Variants in AIDA observed in about 807,000 individuals in gnomAD.
AIDA encodes axin interactor, dorsalization-associated protein.
In AIDA, 18 loss-of-function variants were observed where a neutral mutation model predicts 42.7. That is an observed-to-expected ratio of 0.42 (90% CI 0.29 to 0.63). AIDA has a LOEUF of 0.63. AIDA is among the 20% of genes least tolerant of loss of function. AIDA has a pLI of 0.19. For synonymous variants in AIDA, 104 were observed against 122.9 expected, an observed-to-expected ratio of 0.85 and a Z score of 1.02; for missense variants, 250 against 354.1, an observed-to-expected ratio of 0.71 and a Z score of 2.36.
intron 1 of AIDA, among the ~76,000 whole-genome samples, chr1:222,706,011 T>A (rs1655829202): frequency 6.6e-6 from 1 of 152,068 alleles, no homozygotes. Context: ...AATTTTAAAA[T>A]GCGTAAAAGA....
rs1391308955 is a variant in AIDA at position 222,701,026 on chromosome 1, G to C, written c.180+2122C>G. Among the ~76,000 whole-genome samples, 6 of 146,410 alleles carry C rather than the reference G, an allele frequency of 4.1e-5. No individual in the cohort carries two copies. The South Asian group carries it at 1.1e-3, about 27-fold the overall frequency. ...CGCCCAGGCTGGAGTGCAGTGGCAT[G>C]ATCTCAGCTCACTGCAATCTCCGCC... On this transcript the variant is annotated intron_variant, in intron 2 of 9. Transcript: ENST00000340020.
chr1:222,699,668 C>T (rs1186372103), intron 2 of AIDA, among the ~76,000 whole-genome samples: 1 of 152,138 alleles, frequency 6.6e-6, no homozygotes, highest in Non-Finnish European at 1.5e-5. Flanking sequence ...AACTTAGAGC[C>T]TCTGATAACT....
intron 6 of AIDA, among the ~76,000 whole-genome samples, chr1:222,682,851 TAAC>T (rs886515253): frequency 1.3e-5 from 2 of 152,206 alleles, no homozygotes; most frequent in African/African-American, 4.8e-5. Context: ...AGATGGAAGA[TAAC>T]ACATGAAATG....
chr1:222,690,659 T>C (rs1655345222), intron 4 of AIDA, among the ~76,000 whole-genome samples: 1 of 145,944 alleles, frequency 6.9e-6, no homozygotes, highest in South Asian at 2.2e-4. Context: ...TATTCTTATA[T>C]TATAATCTAT....
chr1:222,685,660 A>C (rs896128521), intron 6 of AIDA, among the ~76,000 whole-genome samples: 4 of 152,202 alleles, frequency 2.6e-5, no homozygotes, highest in Non-Finnish European at 4.4e-5. Context: ...AACAGAGTAA[A>C]GCAGTAATTG....
At chr1:222,688,138 T>C (rs1329751470) in intron 4 of AIDA, among the ~76,000 whole-genome samples, 1 of 152,156 alleles carries the variant, frequency 6.6e-6, no homozygotes. Context: ...GAGAATCACC[T>C]GAGCCTGGGA....
intron 9 of AIDA, 21 bp from the exon 10 acceptor site, chr1:222,670,010 C>G (rs1352361410): frequency 1.9e-6 from 3 of 1,613,604 alleles, no homozygotes. Context: ...AACAGAAAGA[C>G]CATTGTTTAA....
intron 6 of AIDA, among the ~76,000 whole-genome samples, chr1:222,683,452 C>A (rs907836787): frequency 2.0e-5 from 3 of 152,174 alleles, no homozygotes; most frequent in Non-Finnish European, 4.4e-5. Flanking sequence ...AAAACAAATA[C>A]AGGTTTGACA....
At chr1:222,705,845 C>T (rs746426334) in intron 1 of AIDA, among the ~76,000 whole-genome samples, 63 of 152,020 alleles carry the variant, frequency 4.1e-4, no homozygotes, top group Non-Finnish European at 1.5e-4. Flanking sequence ...GATCGCACCA[C>T]TGCACTCCAG....
intron 2 of AIDA, among the ~76,000 whole-genome samples, chr1:222,695,412 A>G (rs1655492145): frequency 6.6e-6 from 1 of 152,188 alleles, no homozygotes; most frequent in African/African-American, 2.4e-5. Flanking sequence ...GAATCGCTTA[A>G]ACCTGGGAGG....
intron 4 of AIDA, among the ~76,000 whole-genome samples, chr1:222,689,718 A>G (rs2124959357): frequency 6.6e-6 from 1 of 151,706 alleles, no homozygotes; most frequent in South Asian, 2.1e-4. Context: ...TAAAGTTTAT[A>G]TACAGTAAAC....
intron 1 of AIDA, 49 bp from the exon 2 acceptor site, chr1:222,703,266 G>T: frequency 7.3e-7 from 1 of 1,361,370 alleles, no homozygotes; most frequent in Non-Finnish European, 1.0e-6. Context: ...GCAAACTACT[G>T]CAACAAAGTG....
chr1:222,694,339 T>C lies in AIDA; in HGVS notation c.181-76A>G, dbSNP rs1253347371. On this transcript the variant is annotated intron_variant, in intron 2 of 9. Transcript: ENST00000340020. ...GTTCAAATCATCAAGTTAATTTTTA[T>C]TAATAAAAGATCCATAATTCTCTTA... is the stretch of plus-strand genomic sequence containing the variant. 6 of 1,210,686 alleles carry C rather than the reference T, an allele frequency of 5.0e-6. No individual in the cohort carries two copies. The Admixed American group carries it at 1.0e-4, about 21-fold the overall frequency. The allele number at this position is 1,210,686 out of a possible 1,614,324, so 75.0% of individuals were successfully genotyped here.
At chr1:222,671,167 G>A (rs1326284422) in intron 8 of AIDA, among the ~76,000 whole-genome samples, 1 of 152,170 alleles carries the variant, frequency 6.6e-6, no homozygotes, top group Non-Finnish European at 1.5e-5. Flanking sequence ...GATTGAGGCT[G>A]CAGTGAGCCA....
chr1:222,677,770 T>C (rs1456448893), intron 6 of AIDA, among the ~76,000 whole-genome samples: 2 of 152,174 alleles, frequency 1.3e-5, no homozygotes, highest in South Asian at 2.1e-4. Context: ...CAATAGTTCA[T>C]GGAGATTTTC....
chr1:222,673,485 A>C lies in AIDA; in HGVS notation c.584-50T>G, dbSNP rs771969224. The C allele has an allele frequency of 2.7e-6, 4 of 1,473,410 alleles. No homozygotes were observed. The Admixed American group carries it at 6.7e-5, about 25-fold the overall frequency. 91.3% of individuals were successfully genotyped at this position (1,473,410 alleles called of 1,614,324 possible). ...TAGGAACATTCAAATATACAGACTT[A>C]AAAACTGCAGGCCAGGCACGGTGGC... On this transcript the variant is annotated intron_variant, in intron 7 of 9. Coordinates refer to ENST00000340020, the MANE Select transcript of AIDA (RefSeq NM_022831.4).
At chr1:222,698,509 T>C (rs1571938156) in intron 2 of AIDA, among the ~76,000 whole-genome samples, 1 of 148,686 alleles carries the variant, frequency 6.7e-6, no homozygotes, top group Non-Finnish European at 1.5e-5. Flanking sequence ...TCGGGTGCAG[T>C]GGTGTGATTT....
chr1:222,688,549 C>T (rs1281900298), intron 4 of AIDA, among the ~76,000 whole-genome samples: 1 of 151,882 alleles, frequency 6.6e-6, no homozygotes, highest in Non-Finnish European at 1.5e-5. Context: ...GTACTTACTA[C>T]ATTTTTTGTC....
intron 6 of AIDA, among the ~76,000 whole-genome samples, chr1:222,679,771 C>T (rs1209398766): frequency 2.0e-5 from 3 of 152,226 alleles, no homozygotes; most frequent in Non-Finnish European, 4.4e-5. Context: ...TGTGAAATGA[C>T]CTCCCCATCT....
Sources: allele counts gnomAD v4.1 joint callset (sites outside exome capture counted in the v4.1 genomes callset), GRCh38; gene constraint gnomAD v4.1.1; transcripts MANE v1.5; gene names NCBI Gene and HGNC (gene_info 2026-07-23, HGNC 2026-07-21).